MAPRE3: variants seen among roughly 807,000 people sequenced by gnomAD.
The protein encoded by MAPRE3 is microtubule associated protein RP/EB family member 3.
MAPRE3 carries 2 observed loss-of-function variants against 30.5 expected under a neutral mutation model. That is an observed-to-expected ratio of 0.07 (90% CI 0.03 to 0.21). The LOEUF (loss-of-function observed/expected upper bound fraction) is 0.21, where lower values mean the gene tolerates loss of function less well. Among genes scored for constraint, MAPRE3 ranks in the 10% least tolerant of loss-of-function variants. The pLI, the probability that MAPRE3 is intolerant of heterozygous loss-of-function variation, is 1.00. For synonymous variants in MAPRE3, 110 were observed against 127.7 expected, an observed-to-expected ratio of 0.86 and a Z score of 0.93; for missense variants, 204 against 351.8, an observed-to-expected ratio of 0.58 and a Z score of 3.36.
In MAPRE3 at chr2:27,026,605, C is replaced by T. The variant is rs879146650; in HGVS notation, c.*257C>T. On this transcript the variant is annotated 3_prime_UTR_variant, in exon 7 of 7. Coordinates refer to ENST00000233121, the MANE Select transcript of MAPRE3 (RefSeq NM_012326.4). ...TATTTCCGTTGTCTCTCTGCTGTGT[C>T]GCCCAACACTTCCCAGGGTGCTGCT... The T allele has an allele frequency of 2.1e-5, 9 of 427,502 alleles. No individual in the cohort carries two copies. Among genetic ancestry groups the T allele is most frequent in the South Asian group, 9.9e-5 (2 of 20,174 alleles). The allele number at this position is 427,502 out of a possible 1,614,324, so 26.5% of individuals were successfully genotyped here.
At chr2:26,983,929 C>T (rs1455484744) in intron 1 of MAPRE3, among the ~76,000 whole-genome samples, 1 of 152,204 alleles carries the variant, frequency 6.6e-6, no homozygotes, top group East Asian at 1.9e-4. Context: ...CCCTGGGTAG[C>T]AGCTGCCCCT....
At chr2:26,972,903 A>G (rs1039901928) in intron 1 of MAPRE3, among the ~76,000 whole-genome samples, 1 of 152,238 alleles carries the variant, frequency 6.6e-6, no homozygotes, top group South Asian at 2.1e-4. Context: ...AACTGCTACT[A>G]TGAGGAAACA....
intron 1 of MAPRE3, among the ~76,000 whole-genome samples, chr2:27,005,364 G>C (rs1057145502): frequency 2.0e-5 from 3 of 152,122 alleles, no homozygotes; most frequent in African/African-American, 7.2e-5. Flanking sequence ...TGAGCTCGTG[G>C]TCTTCACTGC....
chr2:26,973,082 T>A (rs1429387494), intron 1 of MAPRE3, among the ~76,000 whole-genome samples: 1 of 152,208 alleles, frequency 6.6e-6, no homozygotes, highest in Non-Finnish European at 1.5e-5. Context: ...AATTTACCAA[T>A]AGCTTTTAGG....
chr2:26,971,482 T>C (rs1417561996), intron 1 of MAPRE3, among the ~76,000 whole-genome samples: 1 of 152,198 alleles, frequency 6.6e-6, no homozygotes, highest in Non-Finnish European at 1.5e-5. Context: ...TGGGCTGAGC[T>C]ACTGCCCGGC....
rs1488213359 is a variant in MAPRE3, at chr2:27,015,607, T to TA, written c.-7-6600dup. Among the ~76,000 whole-genome samples, 2 of 151,960 alleles carry TA rather than the reference T, an allele frequency of 1.3e-5. No homozygotes were observed. Among genetic ancestry groups the TA allele is most frequent in the Admixed American group, 6.5e-5 (1 of 15,268 alleles). On this transcript the variant is annotated intron_variant, in intron 1 of 6. Transcript: ENST00000233121. This position sits in a 1 kb window ranked among gnomAD's most constrained non-coding sequence, Gnocchi z 4.0. ...AGCCAGAACAGGGCTAAACTTGGGG[T>TA]AAAAAGAGCTCTAGAGAATTAGAGA...
chr2:26,989,359 T>C (rs74960531), intron 1 of MAPRE3, among the ~76,000 whole-genome samples: 3,588 of 152,172 alleles, frequency 0.024, 167 homozygotes, highest in African/African-American at 0.083. Flanking sequence ...TTCCATACAC[T>C]GCCTCGATTA....
intron 1 of MAPRE3, among the ~76,000 whole-genome samples, chr2:27,001,243 A>G (rs533357653): frequency 1.3e-5 from 2 of 152,372 alleles, no homozygotes; most frequent in African/African-American, 4.8e-5. Flanking sequence ...CTACATACCT[A>G]GACTGTATGG....
chr2:27,025,638 G>A lies in MAPRE3; in HGVS notation c.525G>A (p.Leu175=), dbSNP rs960922309. The A allele has an allele frequency of 1.2e-6, 2 of 1,608,374 alleles. No homozygotes were observed. The highest frequency in any genetic ancestry group is 1.7e-6 in the Non-Finnish European group (2 of 1,177,062). The change falls in exon 5 of 7, where the codon CTG becomes CTA. Residue 175 remains leucine (L), a synonymous_variant. Coordinates refer to ENST00000233121, the MANE Select transcript of MAPRE3 (RefSeq NM_012326.4). ...AAAACATGCAGACCTCTGGCCGGCTGAGCAATGTGGCCCCCCCCTGCATTC... is the reference window on the plus strand; with the variant it reads ...AAAACATGCAGACCTCTGGCCGGCTAAGCAATGTGGCCCCCCCCTGCATTC... ...GPKNMQTSGR[L]SNVAPPCILR... is the part of the protein sequence containing the mutation.
chr2:27,003,901 A>G (rs1558380088), intron 1 of MAPRE3, among the ~76,000 whole-genome samples: 2 of 152,206 alleles, frequency 1.3e-5, no homozygotes, highest in African/African-American at 2.4e-5. Context: ...CACTGAATTG[A>G]CACGTGTGAG....
At chr2:27,013,929 T>C (rs1271060647) in intron 1 of MAPRE3, 3 of 152,238 alleles carry the variant, frequency 2.0e-5, no homozygotes, top group Non-Finnish European at 1.5e-5. Flanking sequence ...CCATGCTCAA[T>C]CATACCATCA....
At chr2:26,988,126 A>G (rs1005566166) in intron 1 of MAPRE3, among the ~76,000 whole-genome samples, 3 of 152,240 alleles carry the variant, frequency 2.0e-5, no homozygotes, top group South Asian at 4.1e-4. Context: ...TGCCAGAGCC[A>G]TTGCTACATG....
At chr2:27,014,942 C>T (rs1188028829) in intron 1 of MAPRE3, 1 of 152,324 alleles carries the variant, frequency 6.6e-6, no homozygotes, top group Admixed American at 6.5e-5. Context: ...GTGGAGTTCT[C>T]TCTCTTCTGA....
intron 1 of MAPRE3, among the ~76,000 whole-genome samples, chr2:26,991,311 G>A (rs1457626174): frequency 6.6e-6 from 1 of 152,088 alleles, no homozygotes; most frequent in East Asian, 1.9e-4. Flanking sequence ...TCCCAGGGGA[G>A]GTCGGGTCTG....
At chr2:26,971,096 A>G (rs1244229068) in intron 1 of MAPRE3, among the ~76,000 whole-genome samples, 1 of 148,678 alleles carries the variant, frequency 6.7e-6, no homozygotes, top group Non-Finnish European at 1.5e-5. Context: ...TGGCCACCGC[A>G]CCTCTGCCCT....
intron 1 of MAPRE3, among the ~76,000 whole-genome samples, chr2:27,005,664 C>A (rs1302101126): frequency 6.6e-6 from 1 of 152,150 alleles, no homozygotes; most frequent in East Asian, 1.9e-4. Flanking sequence ...ACTCTTCCTC[C>A]TAGGGCAGAA....
chr2:27,021,646 C>G (rs1667112112), intron 1 of MAPRE3, among the ~76,000 whole-genome samples: 1 of 152,176 alleles, frequency 6.6e-6, no homozygotes, highest in South Asian at 2.1e-4. Flanking sequence ...AAACAAGGGC[C>G]TGGCAACCTG....
intron 1 of MAPRE3, among the ~76,000 whole-genome samples, chr2:26,995,890 G>T (rs188025908): frequency 5.2e-4 from 77 of 148,198 alleles, no homozygotes; most frequent in Non-Finnish European, 1.0e-3. Flanking sequence ...TCTGTTTGGG[G>T]ACTACTGATA....
In MAPRE3 at chr2:27,004,450, G is replaced by A. The variant is rs138796187; in HGVS notation, c.-7-17762G>A. On this transcript the variant is annotated intron_variant, in intron 1 of 6. Transcript: ENST00000233121. ...TTCTAGGCAAAAATATGATAAGAGA[G>A]TAGCTTGGATAATGTCTAGCTTTGT... Among the ~76,000 whole-genome samples the A allele has an allele frequency of 1.0e-2, 1,520 of 152,180 alleles. 40 individuals are homozygous for A. The highest frequency in any genetic ancestry group is 0.058 in the Admixed American group (891 of 15,288).
Sources: allele counts gnomAD v4.1 joint callset (sites outside exome capture counted in the v4.1 genomes callset), GRCh38; gene constraint gnomAD v4.1.1; non-coding constraint Gnocchi (gnomAD v3.1); transcripts MANE v1.5; gene names NCBI Gene and HGNC (gene_info 2026-07-23, HGNC 2026-07-21).